The following PLEKHG1 variants were observed in gnomAD, a reference collection of about 807,000 sequenced individuals.
PLEKHG1 encodes the protein pleckstrin homology and RhoGEF domain containing G1.
PLEKHG1 carries 44 observed loss-of-function variants against 100.8 expected under a neutral mutation model. The observed-to-expected ratio is 0.44, with a 90% CI of 0.34 to 0.56. The LOEUF (loss-of-function observed/expected upper bound fraction) is 0.56. Ranked by LOEUF, PLEKHG1 falls within the 20% of genes least tolerant of loss-of-function variation. The probability of loss-of-function intolerance (pLI) is 0.01; values close to 1 mark genes in which losing one functional copy is unlikely to be tolerated. For synonymous variants in PLEKHG1, 640 were observed against 662.5 expected, an observed-to-expected ratio of 0.97 and a Z score of 0.52; for missense variants, 1,545 against 1,720.9, an observed-to-expected ratio of 0.90 and a Z score of 1.81.
In PLEKHG1 at chr6:150,600,524, G is replaced by A. The variant is rs1442132232; in HGVS notation, c.-204+507G>A. 1.3e-5 allele frequency among the ~76,000 whole-genome samples: 2 copies of A among 152,000 alleles called. No homozygotes were observed. The highest frequency in any genetic ancestry group is 2.4e-5 in the African/African-American group (1 of 41,404). On this transcript the variant is annotated intron_variant, in intron 1 of 3. Coordinates refer to the PLEKHG1 transcript ENST00000367326. This position sits in a 1 kb window ranked among gnomAD's most constrained non-coding sequence, Gnocchi z 6.2. Reference sequence around the variant, plus strand: ...GAAGCCGGGAGCCCGAGGACCCGGGGACGCGCGGTGGGGGCGGCGGCCGAG... The same window carrying A: ...GAAGCCGGGAGCCCGAGGACCCGGGAACGCGCGGTGGGGGCGGCGGCCGAG...
intron 3 of PLEKHG1, among the ~76,000 whole-genome samples, chr6:150,686,059 C>CA (rs1156541322): frequency 6.6e-6 from 1 of 152,212 alleles, no homozygotes; most frequent in Non-Finnish European, 1.5e-5. Context: ...TGTTTCAATG[C>CA]AGTCATTGGT....
intron 3 of PLEKHG1, among the ~76,000 whole-genome samples, chr6:150,785,025 T>C (rs1785533983): frequency 6.8e-6 from 1 of 146,214 alleles, no homozygotes; most frequent in African/African-American, 2.5e-5. Flanking sequence ...AGACCCTGTC[T>C]CTAAAATTAA....
chr6:150,628,576 A>ACACACC (rs1317085737), intron 1 of PLEKHG1, among the ~76,000 whole-genome samples: 12 of 108,094 alleles, frequency 1.1e-4, no homozygotes, highest in Non-Finnish European at 1.8e-4. Context: ...ACACACACAC[A>ACACACC]CCCCGTCCTT....
chr6:150,842,699 T>A (rs1777578530), exon 16 of PLEKHG1: 1 of 152,094 alleles, frequency 6.6e-6, no homozygotes, highest in African/African-American at 2.4e-5. Context: ...CAAGAAAGTT[T>A]TTTTGTTTGG....
At chr6:150,641,116 G>A (rs981221518) in intron 2 of PLEKHG1, among the ~76,000 whole-genome samples, 9 of 152,096 alleles carry the variant, frequency 5.9e-5, no homozygotes, top group Admixed American at 5.2e-4. Context: ...GCTCTTTTAC[G>A]TTTTATGTAG....
At chr6:150,790,825 C>G (rs1180374364) in intron 4 of PLEKHG1, among the ~76,000 whole-genome samples, 1 of 152,004 alleles carries the variant, frequency 6.6e-6, no homozygotes, top group Non-Finnish European at 1.5e-5. Context: ...AGTTCAAGAT[C>G]AGCTTGACCA....
At chr6:150,696,326 C>G (rs9384576) in intron 3 of PLEKHG1, among the ~76,000 whole-genome samples, 4 of 151,992 alleles carry the variant, frequency 2.6e-5, no homozygotes, top group Non-Finnish European at 5.9e-5. Flanking sequence ...CTGCTTCCCC[C>G]TCTCCCTGAA....
At chr6:150,691,373 A>T (rs910691271) in intron 3 of PLEKHG1, among the ~76,000 whole-genome samples, 7 of 152,174 alleles carry the variant, frequency 4.6e-5, no homozygotes, top group Non-Finnish European at 8.8e-5. Flanking sequence ...TTTCAGTTAT[A>T]CTTCAGGGAT....
chr6:150,608,004 A>G (rs1776673366), intron 1 of PLEKHG1, among the ~76,000 whole-genome samples: 1 of 152,042 alleles, frequency 6.6e-6, no homozygotes, highest in Admixed American at 6.5e-5. Flanking sequence ...AATTGTTTAG[A>G]TTCAACTCAA....
At chr6:150,837,569 C>T (rs1777295498) in intron 15 of PLEKHG1, among the ~76,000 whole-genome samples, 1 of 152,218 alleles carries the variant, frequency 6.6e-6, no homozygotes, top group South Asian at 2.1e-4. Context: ...CCAAAATTGT[C>T]ATCTTCTTGG....
At chr6:150,626,126 G>A (rs1348974693) in intron 1 of PLEKHG1, 1 of 140,270 alleles carries the variant, frequency 7.1e-6, no homozygotes, top group Admixed American at 7.3e-5. Flanking sequence ...TGGCAAGTAA[G>A]TTATGCAACA....
chr6:150,839,578 G>A (rs1422559753), intron 15 of PLEKHG1, among the ~76,000 whole-genome samples: 1 of 152,134 alleles, frequency 6.6e-6, no homozygotes, highest in Non-Finnish European at 1.5e-5. Context: ...TTGCAGACCT[G>A]CTGTTGAAAC....
At chr6:150,674,678 T>C (rs1001316955) in intron 3 of PLEKHG1, among the ~76,000 whole-genome samples, 2 of 138,568 alleles carry the variant, frequency 1.4e-5, no homozygotes, top group Non-Finnish European at 3.1e-5. Flanking sequence ...TCTCTCTCTC[T>C]CTCTCCCCCC....
At chr6:150,756,333 C>T (rs945982405) in intron 2 of PLEKHG1, among the ~76,000 whole-genome samples, 2 of 152,156 alleles carry the variant, frequency 1.3e-5, no homozygotes, top group Admixed American at 1.3e-4. Flanking sequence ...CAATACATAA[C>T]TTTTGGTTAA....
chr6:150,692,366 C>T (rs964758139), intron 3 of PLEKHG1, among the ~76,000 whole-genome samples: 11 of 152,284 alleles, frequency 7.2e-5, no homozygotes, highest in Middle Eastern at 3.4e-3. Context: ...ACTCTTTTCC[C>T]AGATTTCTTC....
At chr6:150,721,065 G>T, upstream of PLEKHG1, 1 of 762,086 alleles carries the variant, frequency 1.3e-6, no homozygotes, top group Non-Finnish European at 1.6e-6. Flanking sequence ...TGTTGGGTTT[G>T]GGAGATAAAA....
chr6:150,769,892 C>G (rs1784630044), intron 3 of PLEKHG1, among the ~76,000 whole-genome samples: 1 of 152,092 alleles, frequency 6.6e-6, no homozygotes, highest in Non-Finnish European at 1.5e-5. Context: ...TATATTATGC[C>G]TGTTGTTCCT....
At chr6:150,655,784 A>T (rs563247286) in intron 3 of PLEKHG1, among the ~76,000 whole-genome samples, 61 of 151,852 alleles carry the variant, frequency 4.0e-4, no homozygotes, top group African/African-American at 1.4e-3. Flanking sequence ...AGAAAGGATG[A>T]GTTCATGTCC....
chr6:150,605,114 A>G (rs1776539788), intron 1 of PLEKHG1, among the ~76,000 whole-genome samples: 1 of 152,202 alleles, frequency 6.6e-6, no homozygotes, highest in Admixed American at 6.5e-5. Flanking sequence ...TTTGCACAGG[A>G]GTTTATAAAT....
Sources: allele counts gnomAD v4.1 joint callset (sites outside exome capture counted in the v4.1 genomes callset), GRCh38; gene constraint gnomAD v4.1.1; non-coding constraint Gnocchi (gnomAD v3.1); transcripts MANE v1.5; gene names NCBI Gene and HGNC (gene_info 2026-07-23, HGNC 2026-07-21).